YME1L1: variants seen among roughly 807,000 people sequenced by gnomAD.
YME1L1 encodes the protein YME1 like 1 ATPase, also known as ATP-dependent zinc metalloprotease YME1L1.
A neutral mutation model predicts 90.4 loss-of-function variants in YME1L1; 39 were observed. That is an observed-to-expected ratio of 0.43 (90% CI 0.33 to 0.56). The LOEUF (loss-of-function observed/expected upper bound fraction) is 0.56, where lower values mean the gene tolerates loss of function less well. YME1L1 is among the 20% of genes least tolerant of loss of function. The pLI is 0.03. For synonymous variants in YME1L1, 284 were observed against 287.3 expected (o/e 0.99, Z 0.12); for missense variants, 617 against 868.4 (o/e 0.71, Z 3.64).
At chr10:27,144,708 C>T (rs545645880) in intron 3 of YME1L1, among the ~76,000 whole-genome samples, 63 of 152,184 alleles carry the variant, frequency 4.1e-4, no homozygotes, top group African/African-American at 7.7e-4. Context: ...AAACAAACAA[C>T]GCCCCCCCAT....
At position 27,154,120 on chromosome 10, in the gene YME1L1, T is replaced by C. The variant is rs530645822; in HGVS notation, c.33+58A>G. 4.6e-5 allele frequency: 71 copies of C among 1,556,266 alleles called. 2 individuals carry two copies. In the South Asian group the frequency reaches 6.5e-4, roughly 14 times the overall value. ...GAGAAATCGCTTCCACGAGCGCAAT[T>C]TGCAAACAGCCACGGGCAGGGCGGG... On this transcript the variant is annotated intron_variant, in intron 1 of 18. Coordinates refer to ENST00000376016, the MANE Select transcript of YME1L1 (RefSeq NM_014263.4).
intron 9 of YME1L1, among the ~76,000 whole-genome samples, chr10:27,124,853 A>G (rs1224653368): frequency 2.6e-5 from 4 of 152,058 alleles, no homozygotes; most frequent in Non-Finnish European, 5.9e-5. Flanking sequence ...TTGTATTGAG[A>G]TTGTGCTCTT....
chr10:27,142,691 T>C (rs372292181), intron 3 of YME1L1, among the ~76,000 whole-genome samples: 26 of 152,210 alleles, frequency 1.7e-4, no homozygotes, highest in African/African-American at 6.0e-4. Flanking sequence ...TTACTAGCTA[T>C]CACTTGTTGG....
intron 18 of YME1L1, among the ~76,000 whole-genome samples, chr10:27,112,529 A>C (rs180764812): frequency 4.6e-5 from 7 of 152,128 alleles, no homozygotes; most frequent in Admixed American, 3.3e-4. Flanking sequence ...AGCTGAGCTC[A>C]TTGTTCCCAT....
chr10:27,134,003 TAAGA>T (rs1237799065), intron 7 of YME1L1, 32 bp downstream of exon 7: 1 of 1,416,104 alleles, frequency 7.1e-7, no homozygotes, highest in Non-Finnish European at 9.8e-7. Flanking sequence ...TTTAAAGGAA[TAAGA>T]AATAAGTTAG....
chr10:27,134,614 T>C (rs1165182478), intron 6 of YME1L1, among the ~76,000 whole-genome samples: 1 of 152,188 alleles, frequency 6.6e-6, no homozygotes, highest in Non-Finnish European at 1.5e-5. Flanking sequence ...ACAAAAACCT[T>C]TATGAAGCCA....
At chr10:27,133,750 G>C (rs1309747592) in intron 7 of YME1L1, among the ~76,000 whole-genome samples, 1 of 151,800 alleles carries the variant, frequency 6.6e-6, no homozygotes, top group Non-Finnish European at 1.5e-5. Flanking sequence ...CTTTGAAATA[G>C]AAGACTATTT....
intron 6 of YME1L1, among the ~76,000 whole-genome samples, chr10:27,134,427 T>A (rs559393394): frequency 6.6e-6 from 1 of 152,014 alleles, no homozygotes; most frequent in African/African-American, 2.4e-5. Flanking sequence ...CCACAAAAAT[T>A]AGCTGGGCGT....
At position 27,116,090 on chromosome 10, in the gene YME1L1, C is replaced by A; in HGVS notation, c.1890G>T (p.Arg630=). 6.2e-7 allele frequency: 1 copy of A among 1,613,876 alleles called. No individual in the cohort carries two copies. Among genetic ancestry groups the A allele is most frequent in the South Asian group, 1.1e-5 (1 of 91,010 alleles). ...DFDNATKIAK[R]MVTKFGMSEK... ...CACTCATTCCAAATTTGGTAACCAT[C>A]CGCTTTGCTATTTTAGTGGCATTAT... Residue 630 remains arginine, a synonymous_variant, in exon 17 of 19, where the codon CGG becomes CGT. Transcript: ENST00000376016.
chr10:27,112,715 C>CT (rs1167631221), intron 18 of YME1L1, among the ~76,000 whole-genome samples: 6 of 151,922 alleles, frequency 3.9e-5, no homozygotes, highest in African/African-American at 1.5e-4. Context: ...CTCTCTCTCT[C>CT]TATTTTTTTT....
At chr10:27,130,820 G>T (rs758728484) in intron 8 of YME1L1, among the ~76,000 whole-genome samples, 25 of 152,178 alleles carry the variant, frequency 1.6e-4, no homozygotes, top group African/African-American at 6.0e-4. Context: ...GCCATTGCAC[G>T]CCAGCTTGGG....
At chr10:27,140,873 G>C (rs2057080162) in intron 4 of YME1L1, among the ~76,000 whole-genome samples, 1 of 152,038 alleles carries the variant, frequency 6.6e-6, no homozygotes, top group African/African-American at 2.4e-5. Flanking sequence ...TACAACATTA[G>C]GAAAATTTAT....
In YME1L1 at chr10:27,117,617, T is replaced by C; in HGVS notation, c.1678A>G (p.Asn560Asp). 6.2e-7 allele frequency: 1 copy of C among 1,614,224 alleles called. No homozygotes were observed. The highest frequency in any genetic ancestry group is 1.1e-5 in the South Asian group (1 of 91,084). The change falls in exon 15 of 19, where the codon AAC (asparagine) becomes GAC (aspartate). Residue 560 changes from asparagine to aspartate, a missense_variant. Physicochemically the swap from Asn to Asp is conservative, Grantham distance 23. Transcript: ENST00000376016. ...CCCCGTGGCATGATTGTAGCTTTGTTGATAGGCATTGCATCTTTTGTGTAA... is the reference window on the plus strand; with the variant it reads ...CCCCGTGGCATGATTGTAGCTTTGTCGATAGGCATTGCATCTTTTGTGTAA... ...AYYTKDAMPI[N>D]KATIMPRGPT... is the part of the protein sequence containing the mutation.
Position 27,110,469 on chromosome 10 carries a change from A to G in YME1L1, c.*1508T>C, listed in dbSNP as rs1173236328. 1 of 152,206 alleles carries G rather than the reference A, an allele frequency of 6.6e-6. No homozygotes were observed. Among genetic ancestry groups the G allele is most frequent in the Non-Finnish European group, 1.5e-5 (1 of 68,036 alleles). 9.4% of individuals were successfully genotyped at this position (152,206 alleles called of 1,614,324 possible). ...ACAGCTTAAATTATTAGGAAATTGTAGATAATTTTAATGAAGTCAACGTCA... is the reference window on the plus strand; with the variant it reads ...ACAGCTTAAATTATTAGGAAATTGTGGATAATTTTAATGAAGTCAACGTCA... On this transcript the variant is annotated 3_prime_UTR_variant, in exon 19 of 19. Transcript: ENST00000376016.
At chr10:27,119,761 A>T (rs1305265510) in intron 13 of YME1L1, among the ~76,000 whole-genome samples, 1 of 151,288 alleles carries the variant, frequency 6.6e-6, no homozygotes, top group Non-Finnish European at 1.5e-5. Flanking sequence ...GTAAGCCAAG[A>T]TTGTGCCACT....
intron 13 of YME1L1, 108 bp downstream of exon 13, chr10:27,120,327 A>G: frequency 5.5e-6 from 4 of 732,650 alleles, no homozygotes; most frequent in Non-Finnish European, 8.7e-6. Context: ...AAAGACAAAA[A>G]TGAACTGGTC....
chr10:27,136,070 G>A (rs2057023783), intron 5 of YME1L1, among the ~76,000 whole-genome samples: 1 of 152,110 alleles, frequency 6.6e-6, no homozygotes, highest in Non-Finnish European at 1.5e-5. Flanking sequence ...GTGTAGGTTT[G>A]TGGGAAAAAA....
chr10:27,135,277 C>T (rs1486212176), intron 5 of YME1L1, among the ~76,000 whole-genome samples: 2 of 152,118 alleles, frequency 1.3e-5, no homozygotes, highest in South Asian at 2.1e-4. Context: ...GTTCATATCC[C>T]TCTATCTTTG....
chr10:27,115,667 T>G (rs2056805547), intron 17 of YME1L1, among the ~76,000 whole-genome samples: 2 of 152,104 alleles, frequency 1.3e-5, no homozygotes, highest in African/African-American at 4.8e-5. Context: ...CCTTGGCAGC[T>G]ACTTCAAATA....
Sources: gnomAD v4.1 joint callset for allele counts (sites outside exome capture counted in the v4.1 genomes callset) on GRCh38, gnomAD v4.1.1 for gene constraint, MANE v1.5 for transcripts, NCBI Gene and HGNC (gene_info 2026-07-23, HGNC 2026-07-21) for gene names.